The following NXPE2 variants were observed in gnomAD, a reference collection of about 807,000 sequenced individuals.
NXPE2 encodes the protein neurexophilin and PC-esterase domain family member 2.
In NXPE2, 34 loss-of-function variants were observed where a neutral mutation model predicts 34.4. The observed-to-expected ratio is 0.99, with a 90% confidence interval of 0.75 to 1.31. The LOEUF (loss-of-function observed/expected upper bound fraction) is 1.31. NXPE2 is among the 40% of genes most tolerant of loss of function. The pLI, the probability that NXPE2 is intolerant of heterozygous loss-of-function variation, is 0.00. For synonymous variants in NXPE2, 235 were observed against 231.3 expected (o/e 1.02, Z -0.15); for missense variants, 649 against 672.5 (o/e 0.97, Z 0.39).
chr11:114,702,031 C>T (rs1463247203), intron 3 of NXPE2, among the ~76,000 whole-genome samples: 1 of 152,104 alleles, frequency 6.6e-6, no homozygotes. Context: ...CTCCCTCAAC[C>T]TTGGCTGAAG....
At chr11:114,481,936 C>G in the NXPE2 span, among the ~76,000 whole-genome samples, 1 of 152,106 alleles carries the variant, frequency 6.6e-6, no homozygotes, top group Non-Finnish European at 1.5e-5. Flanking sequence ...GCGAAAGATT[C>G]AACCATCTTT....
the NXPE2 span, among the ~76,000 whole-genome samples, chr11:114,644,832 A>G: frequency 6.6e-6 from 1 of 152,112 alleles, no homozygotes; most frequent in Non-Finnish European, 1.5e-5. Flanking sequence ...ATTTAAAAAA[A>G]AAAACTGTAA....
At chr11:114,620,040 T>A in the NXPE2 span, among the ~76,000 whole-genome samples, 4 of 152,228 alleles carry the variant, frequency 2.6e-5, no homozygotes, top group African/African-American at 9.6e-5. Context: ...TACTCACTAC[T>A]GCCTCGTGGG....
chr11:114,630,509 T>C, the NXPE2 span, among the ~76,000 whole-genome samples: 7 of 151,594 alleles, frequency 4.6e-5, no homozygotes, highest in African/African-American at 1.5e-4. Context: ...TTACACCTTA[T>C]ACAAAAATCA....
At chr11:114,485,867 A>G in the NXPE2 span, among the ~76,000 whole-genome samples, 1 of 152,168 alleles carries the variant, frequency 6.6e-6, no homozygotes, top group South Asian at 2.1e-4. Flanking sequence ...TCCATTGTGT[A>G]TATGTACTAC....
chr11:114,726,422 G>C, the NXPE2 span, among the ~76,000 whole-genome samples: 1 of 151,914 alleles, frequency 6.6e-6, no homozygotes, highest in African/African-American at 2.4e-5. Context: ...GTGTTGCCCA[G>C]GCTGGTCTCA....
chr11:114,553,881 C>T, the NXPE2 span: 1 of 971,340 alleles, frequency 1.0e-6, no homozygotes. Flanking sequence ...ATGATGGGTA[C>T]ATTTAGATCG....
the NXPE2 span, among the ~76,000 whole-genome samples, chr11:114,632,464 T>C: frequency 7.7e-6 from 1 of 129,102 alleles, no homozygotes; most frequent in African/African-American, 2.8e-5. Context: ...GAGTTATACA[T>C]TATATATACT....
the NXPE2 span, among the ~76,000 whole-genome samples, chr11:114,712,697 C>T: frequency 1.3e-5 from 2 of 152,058 alleles, no homozygotes; most frequent in African/African-American, 4.8e-5. Flanking sequence ...CCATACATAC[C>T]GAAAAACAGT....
chr11:114,620,755 T>A, the NXPE2 span, among the ~76,000 whole-genome samples: 1 of 152,038 alleles, frequency 6.6e-6, no homozygotes, highest in Non-Finnish European at 1.5e-5. Flanking sequence ...ATAATAAGTA[T>A]TGCCTCATGT....
the NXPE2 span, chr11:114,522,523 A>T: frequency 6.5e-7 from 1 of 1,529,804 alleles, no homozygotes. Context: ...AAACAAATAG[A>T]TGTTTTAAAT....
chr11:114,577,051 A>T, the NXPE2 span, among the ~76,000 whole-genome samples: 1 of 50,066 alleles, frequency 2.0e-5, no homozygotes, highest in Non-Finnish European at 3.7e-5. Flanking sequence ...AAAGTTATAT[A>T]TATATACATA....
the NXPE2 span, among the ~76,000 whole-genome samples, chr11:114,809,084 G>T: frequency 6.6e-6 from 1 of 151,976 alleles, no homozygotes; most frequent in African/African-American, 2.4e-5. Flanking sequence ...CAGAACCAAA[G>T]ACAAAAACCA....
chr11:114,634,869 G>T, the NXPE2 span, among the ~76,000 whole-genome samples: 102,347 of 151,686 alleles, frequency 0.67, 34,909 homozygotes, highest in African/African-American at 0.75. Context: ...TACTGTAGCC[G>T]TGTAGTATAG....
the NXPE2 span, among the ~76,000 whole-genome samples, chr11:114,539,246 A>G: frequency 6.9e-6 from 1 of 143,916 alleles, no homozygotes; most frequent in Non-Finnish European, 1.5e-5. Context: ...GAACACATGG[A>G]CACAGGAAGG....
the NXPE2 span, among the ~76,000 whole-genome samples, chr11:114,594,075 A>T: frequency 6.6e-6 from 1 of 152,096 alleles, no homozygotes; most frequent in Non-Finnish European, 1.5e-5. Context: ...ATGAGTACAA[A>T]AATATGATTA....
At chr11:114,633,360 T>A in the NXPE2 span, among the ~76,000 whole-genome samples, 1 of 141,802 alleles carries the variant, frequency 7.1e-6, no homozygotes, top group Non-Finnish European at 1.5e-5. Context: ...ATATTATATA[T>A]ACTATATAAT....
At chr11:114,554,207 G>T in the NXPE2 span, 1 of 979,646 alleles carries the variant, frequency 1.0e-6, no homozygotes, top group Non-Finnish European at 1.2e-6. Context: ...CTTGTAGCTG[G>T]ACATGTGTTA....
chr11:114,585,217 G>C, the NXPE2 span, among the ~76,000 whole-genome samples: 3 of 151,640 alleles, frequency 2.0e-5, no homozygotes, highest in East Asian at 2.0e-4. Flanking sequence ...TGGTAGTCTA[G>C]TCTCCTGCCA....
Sources: gnomAD v4.1 joint callset for allele counts (sites outside exome capture counted in the v4.1 genomes callset) on GRCh38, gnomAD v4.1.1 for gene constraint, MANE v1.5 for transcripts, NCBI Gene and HGNC (gene_info 2026-07-23, HGNC 2026-07-21) for gene names.